Variants in EEF1AKMT4 observed in about 807,000 individuals in gnomAD.
The protein encoded by EEF1AKMT4 is eukaryotic translation elongation factor 1 alpha lysine specific methyltransferase 4.
EEF1AKMT4 carries 17 observed loss-of-function variants against 23.0 expected under a neutral mutation model. That is an observed-to-expected ratio of 0.74 (90% CI 0.51 to 1.11). EEF1AKMT4 has a LOEUF of 1.11. Ranked by LOEUF, EEF1AKMT4 falls within the 50% of genes least tolerant of loss-of-function variation. The pLI is 0.00. For missense variants in EEF1AKMT4, 318 were observed against 333.4 expected (o/e 0.95, Z 0.36); for synonymous variants, 140 against 141.4 (o/e 0.99, Z 0.07).
Position 184,257,679 on chromosome 3 carries a change from G to C in EEF1AKMT4, c.403G>C (p.Ala135Pro), listed in dbSNP as rs746647986. 1.2e-6 allele frequency: 2 copies of C among 1,614,088 alleles called. No individual in the cohort carries two copies. The highest frequency in any genetic ancestry group is 2.7e-5 in the African/African-American group (2 of 74,960). ...DVVLEKGTLD[A>P]LLAGERDPWT... is the part of the protein sequence containing the mutation. ...GGTGCTCGAGAAGGGCACGCTGGAT[G>C]CCCTGCTGGCTGGGGAACGAGATCC... Residue 135 changes from alanine (A) to proline (P), a missense_variant, in exon 2 of 3, where the codon GCC becomes CCC. Physicochemically the swap from Ala to Pro is conservative, Grantham distance 27. Coordinates refer to ENST00000324557, the MANE Select transcript of EEF1AKMT4 (RefSeq NM_032331.4).
chr3:184,251,085 C>CA (rs57069077), intron 1 of EEF1AKMT4, among the ~76,000 whole-genome samples: 11,192 of 70,652 alleles, frequency 0.16, 681 homozygotes, highest in Non-Finnish European at 0.2. Context: ...AACTCTGTCT[C>CA]AAAAAAAAAA....
At position 184,258,277 on chromosome 3, in the gene EEF1AKMT4, C is replaced by T. The variant is rs781102777; in HGVS notation, c.481-11C>T. The stretch of plus-strand genomic sequence containing the variant: ...CACTTCTCACCAATGGCTTCTCTGT[C>T]TGCCTTGCAGGTGAGCCGCGTGCTT... On this transcript the variant is annotated splice_polypyrimidine_tract_variant and intron_variant, in intron 2 of 2. Coordinates refer to ENST00000324557, the MANE Select transcript of EEF1AKMT4 (RefSeq NM_032331.4). 2 of 1,601,010 alleles carry T rather than the reference C, an allele frequency of 1.2e-6. No homozygotes were observed. The highest frequency in any genetic ancestry group is 2.2e-5 in the South Asian group (2 of 89,538).
At chr3:184,254,376 C>T (rs1016129343) in intron 1 of EEF1AKMT4, among the ~76,000 whole-genome samples, 15 of 151,952 alleles carry the variant, frequency 9.9e-5, no homozygotes, top group South Asian at 6.2e-4. Context: ...TATGCTTAAG[C>T]GATTCTTTGG....
intron 1 of EEF1AKMT4, among the ~76,000 whole-genome samples, chr3:184,254,881 T>A (rs1056483730): frequency 5.9e-5 from 9 of 152,300 alleles, no homozygotes; most frequent in Middle Eastern, 3.4e-3. Flanking sequence ...GGCCCTCATG[T>A]GATGTATTCT....
rs1356120342 is a variant in EEF1AKMT4, at chr3:184,258,627, G to T, written c.*52G>T. On this transcript the variant is annotated 3_prime_UTR_variant, in exon 3 of 3. Transcript: ENST00000324557. ...CTGCCATTCTGCCCTGGGCTCCTCA[G>T]GTAGTTGGAATTCCTGACTTAGGAC... The T allele has an allele frequency of 9.2e-6, 14 of 1,515,688 alleles. No individual in the cohort carries two copies. The South Asian group carries it at 1.7e-4, about 19-fold the overall frequency. 93.9% of individuals were successfully genotyped at this position (1,515,688 alleles called of 1,614,324 possible).
intron 1 of EEF1AKMT4, among the ~76,000 whole-genome samples, chr3:184,255,493 G>A (rs1719760514): frequency 6.6e-6 from 1 of 152,218 alleles, no homozygotes; most frequent in South Asian, 2.1e-4. Context: ...AGGGAGGCAA[G>A]TGGGGATTAA....
chr3:184,250,251 G>A (rs1001109841), intron 1 of EEF1AKMT4, among the ~76,000 whole-genome samples: 4 of 152,222 alleles, frequency 2.6e-5, no homozygotes, highest in African/African-American at 9.6e-5. Flanking sequence ...TCATGAACCC[G>A]TTCTGAGCTT....
At chr3:184,254,895 A>G (rs1014184001) in intron 1 of EEF1AKMT4, among the ~76,000 whole-genome samples, 1 of 152,148 alleles carries the variant, frequency 6.6e-6, no homozygotes, top group African/African-American at 2.4e-5. Context: ...GTATTCTTGG[A>G]TATGGATCAA....
chr3:184,253,871 T>C (rs1454920597), intron 1 of EEF1AKMT4, among the ~76,000 whole-genome samples: 1 of 152,130 alleles, frequency 6.6e-6, no homozygotes, highest in Non-Finnish European at 1.5e-5. Flanking sequence ...GGTTTCACCA[T>C]GTTGGCCAGG....
At chr3:184,253,815 G>A (rs1308835708) in intron 1 of EEF1AKMT4, among the ~76,000 whole-genome samples, 1 of 151,778 alleles carries the variant, frequency 6.6e-6, no homozygotes, top group East Asian at 1.9e-4. Context: ...GATTACAGGC[G>A]CCCACCACCA....
At chr3:184,254,529 C>T (rs369638388) in intron 1 of EEF1AKMT4, among the ~76,000 whole-genome samples, 19 of 149,666 alleles carry the variant, frequency 1.3e-4, no homozygotes, top group Middle Eastern at 3.2e-3. Context: ...ACGGTGAAAC[C>T]CCGTCTCTAC....
chr3:184,249,907 C>T lies in EEF1AKMT4; in HGVS notation c.196+17C>T, dbSNP rs772475230. 5 of 1,601,350 alleles carry T rather than the reference C, an allele frequency of 3.1e-6. No homozygotes were observed. Among genetic ancestry groups the T allele is most frequent in the Middle Eastern group, 1.7e-4 (1 of 6,024 alleles). ...TTGTGCTAGGTGGGTAATCCCGGCG[C>T]GGCCCCGCCAGGTAGAGCTGGCAGG... On this transcript the variant is annotated intron_variant, in intron 1 of 2. Transcript: ENST00000324557.
intron 1 of EEF1AKMT4, among the ~76,000 whole-genome samples, chr3:184,251,101 A>G (rs553031632): frequency 0.056 from 6,504 of 116,932 alleles, 310 homozygotes; most frequent in African/African-American, 0.14. Flanking sequence ...AAAAAAAAAA[A>G]AAAGAAAAGA....
At chr3:184,257,333 T>C in intron 1 of EEF1AKMT4, 140 bp from the exon 2 acceptor site, 1 of 851,004 alleles carries the variant, frequency 1.2e-6, no homozygotes, top group East Asian at 2.7e-5. Flanking sequence ...GCTTGTGCTT[T>C]TTCTGCACTC....
At chr3:184,255,376 G>A (rs993496995) in intron 1 of EEF1AKMT4, among the ~76,000 whole-genome samples, 1 of 152,206 alleles carries the variant, frequency 6.6e-6, no homozygotes, top group African/African-American at 2.4e-5. Context: ...AGGAACATGG[G>A]AAGGGGCAGC....
In EEF1AKMT4 at chr3:184,257,735, T is replaced by C. The variant is rs1394950433; in HGVS notation, c.459T>C (p.Thr153=). ...CCGTGTCCTCTGAAGGTGTCCACAC[T>C]GTGGACCAGGTGTTGAGTGAGGTGA... ...PWTVSSEGVH[T]VDQVLSEVSR... Residue 153 remains threonine, a synonymous_variant, in exon 2 of 3, where the codon ACT becomes ACC. Coordinates refer to ENST00000324557, the MANE Select transcript of EEF1AKMT4 (RefSeq NM_032331.4). 6.2e-7 allele frequency: 1 copy of C among 1,613,314 alleles called. No homozygotes were observed. Among genetic ancestry groups the C allele is most frequent in the South Asian group, 1.1e-5 (1 of 90,996 alleles).
In EEF1AKMT4 at chr3:184,249,797, G is replaced by A; in HGVS notation, c.103G>A (p.Asp35Asn). Residue 35 changes from aspartate (D) to asparagine (N), a missense_variant, in exon 1 of 3, where the codon GAT becomes AAT. Asp to Asn is a conservative substitution (Grantham distance 23, BLOSUM62 1). Coordinates refer to ENST00000324557, the MANE Select transcript of EEF1AKMT4 (RefSeq NM_032331.4). ...YWDQRYQGAA[D>N]SAPYDWFGDF... ...GGATCAGCGCTACCAAGGCGCAGCC[G>A]ATTCTGCCCCCTACGATTGGTTCGG... 2 of 1,613,386 alleles carry A rather than the reference G, an allele frequency of 1.2e-6. No homozygotes were observed. The highest frequency in any genetic ancestry group is 2.7e-5 in the African/African-American group (2 of 75,068).
At chr3:184,253,008 C>G (rs928295690) in intron 1 of EEF1AKMT4, among the ~76,000 whole-genome samples, 2 of 145,002 alleles carry the variant, frequency 1.4e-5, no homozygotes, top group Non-Finnish European at 3.0e-5. Context: ...ATAACTTTAT[C>G]TAACAAAATA....
chr3:184,255,808 G>T (rs576907355), intron 1 of EEF1AKMT4, among the ~76,000 whole-genome samples: 1 of 152,326 alleles, frequency 6.6e-6, no homozygotes, highest in African/African-American at 2.4e-5. Context: ...ACTCTTGGCT[G>T]ACTCACCTGA....
Sources: gnomAD v4.1 joint callset for allele counts (sites outside exome capture counted in the v4.1 genomes callset) on GRCh38, gnomAD v4.1.1 for gene constraint, MANE v1.5 for transcripts, NCBI Gene and HGNC (gene_info 2026-07-23, HGNC 2026-07-21) for gene names.